TMTC3: variants seen among roughly 807,000 people sequenced by gnomAD.
The protein encoded by TMTC3 is transmembrane O-mannosyltransferase targeting cadherins 3, also known as protein O-mannosyl-transferase TMTC3.
A neutral mutation model predicts 92.2 loss-of-function variants in TMTC3; 52 were observed. That is an observed-to-expected ratio of 0.56 (90% confidence interval 0.45 to 0.71). TMTC3 has a LOEUF of 0.71. Among genes scored for constraint, TMTC3 ranks in the 30% least tolerant of loss-of-function variants. TMTC3 has a pLI of 0.00. For synonymous variants in TMTC3, 339 were observed against 363.3 expected, an observed-to-expected ratio of 0.93 and a Z score of 0.76; for missense variants, 896 against 1,057.1, an observed-to-expected ratio of 0.85 and a Z score of 2.11.
Position 88,198,268 on chromosome 12 carries a change from A to ACCTC in TMTC3, c.*2619_*2620insCCTC. Reference sequence around the variant, plus strand: ...GGAGGAGGTGGGCACATTTAAGGTCAGTTCACTAACCTATGGTTCAGAGTT... The same window carrying ACCTC: ...GGAGGAGGTGGGCACATTTAAGGTCACCTCGTTCACTAACCTATGGTTCAGAGTT... On this transcript the variant is annotated 3_prime_UTR_variant, in exon 14 of 14. Coordinates refer to ENST00000266712, the MANE Select transcript of TMTC3 (RefSeq NM_181783.4). 2.5e-6 allele frequency: 1 copy of ACCTC among 397,630 alleles called. No homozygotes were observed. 24.6% of individuals were successfully genotyped at this position (397,630 alleles called of 1,614,324 possible). A position where few individuals can be genotyped will look rare whatever the true frequency, so the allele number is the denominator to read the frequency against.
chr12:88,192,923 T>C (rs1745113824), intron 13 of TMTC3, 93 bp downstream of exon 13: 2 of 1,020,418 alleles, frequency 2.0e-6, no homozygotes, highest in South Asian at 1.8e-5. Flanking sequence ...GCAAACACTT[T>C]ATGTATTGAC....
chr12:88,169,176 A>G (rs990640926), intron 7 of TMTC3, among the ~76,000 whole-genome samples: 2 of 152,226 alleles, frequency 1.3e-5, no homozygotes, highest in African/African-American at 4.8e-5. Flanking sequence ...TAGAAATCCC[A>G]AACAGTCTTA....
At chr12:88,188,155 C>T (rs1392092924) in intron 10 of TMTC3, among the ~76,000 whole-genome samples, 1 of 152,114 alleles carries the variant, frequency 6.6e-6, no homozygotes, top group African/African-American at 2.4e-5. Context: ...TTAAGTAATA[C>T]TATTATCATT....
rs552967951 is a variant in TMTC3 at position 88,195,737 on chromosome 12, A to G, written c.*88A>G. ...ACTGGGAGCTTTGAAAAAAAGTTCA[A>G]GGGTTCCTAATGGTCAATCATGAGC... On this transcript the variant is annotated 3_prime_UTR_variant, in exon 14 of 14. Transcript: ENST00000266712. 34 of 1,159,328 alleles carry G rather than the reference A, an allele frequency of 2.9e-5. No homozygotes were observed. The African/African-American group carries it at 4.0e-4, about 14-fold the overall frequency. The allele number at this position is 1,159,328 out of a possible 1,614,324, so 71.8% of individuals were successfully genotyped here.
intron 2 of TMTC3, among the ~76,000 whole-genome samples, chr12:88,152,518 CAA>C (rs2040955483): frequency 6.6e-6 from 1 of 151,998 alleles, no homozygotes; most frequent in African/African-American, 2.4e-5. Context: ...TATAAAACTA[CAA>C]AAAATAACTT....
At chr12:88,186,099 C>T (rs2041375359) in intron 10 of TMTC3, among the ~76,000 whole-genome samples, 2 of 152,066 alleles carry the variant, frequency 1.3e-5, no homozygotes, top group South Asian at 2.1e-4. Context: ...GAATACTTCA[C>T]TGTTGGGCAG....
intron 10 of TMTC3, among the ~76,000 whole-genome samples, chr12:88,185,262 C>T (rs2041363535): frequency 6.6e-6 from 1 of 152,070 alleles, no homozygotes; most frequent in Non-Finnish European, 1.5e-5. Context: ...CTTCTCTAAG[C>T]AAAAGCTTTC....
intron 3 of TMTC3, 106 bp from the exon 4 acceptor site, chr12:88,154,182 T>G: frequency 1.3e-6 from 1 of 765,152 alleles, no homozygotes. Context: ...AAGAAACAAA[T>G]GTGCACTTGA....
In TMTC3 at chr12:88,199,183, AACC is replaced by A. The variant is rs1192402914; in HGVS notation, c.*3539_*3541del. On this transcript the variant is annotated 3_prime_UTR_variant, in exon 14 of 14. Transcript: ENST00000266712. ...TACATTTTCAAACATGAGGAGTGAC[AACC>A]ACCAAATTAAGAAAAGGAAACAACT... 2.0e-5 allele frequency: 3 copies of A among 152,064 alleles called. No homozygotes were observed. The highest frequency in any genetic ancestry group is 4.4e-5 in the Non-Finnish European group (3 of 67,968). The allele number at this position is 152,064 out of a possible 1,614,324, so 9.4% of individuals were successfully genotyped here.
rs1019893973 is a variant in TMTC3 at position 88,188,955 on chromosome 12, C to T, written c.1536+9C>T. On this transcript the variant is annotated intron_variant, in intron 11 of 13. Coordinates refer to ENST00000266712, the MANE Select transcript of TMTC3 (RefSeq NM_181783.4). ...AATCACTGATGCCTCAAGTAAGTTG[C>T]CATAATTTATCTATTGTGTCATATC... 31 of 1,489,290 alleles carry T rather than the reference C, an allele frequency of 2.1e-5. No homozygotes were observed. The highest frequency in any genetic ancestry group is 2.8e-5 in the Non-Finnish European group (30 of 1,077,796). 92.3% of individuals were successfully genotyped at this position (1,489,290 alleles called of 1,614,324 possible).
chr12:88,172,973 C>T (rs1288352638), intron 8 of TMTC3: 1 of 1,430,182 alleles, frequency 7.0e-7, no homozygotes, highest in Non-Finnish European at 9.3e-7. Context: ...CAGCCTGAGA[C>T]AGAACAAACT....
At chr12:88,170,974 T>C (rs2041198922) in intron 7 of TMTC3, among the ~76,000 whole-genome samples, 1 of 152,208 alleles carries the variant, frequency 6.6e-6, no homozygotes, top group South Asian at 2.1e-4. Context: ...GAAATTCTTG[T>C]AGAATGAAAG....
intron 10 of TMTC3, among the ~76,000 whole-genome samples, chr12:88,183,285 C>T (rs1163885345): frequency 6.6e-6 from 1 of 152,134 alleles, no homozygotes; most frequent in Non-Finnish European, 1.5e-5. Context: ...CCTCAGTTAA[C>T]CCTCTCATAA....
intron 1 of TMTC3, among the ~76,000 whole-genome samples, chr12:88,144,787 A>G (rs754891449): frequency 6.6e-6 from 1 of 152,184 alleles, no homozygotes; most frequent in Non-Finnish European, 1.5e-5. Flanking sequence ...GTTTTTATGC[A>G]TTGTCGTCTG....
At chr12:88,189,949 T>TA (rs1468565053) in intron 11 of TMTC3, among the ~76,000 whole-genome samples, 2 of 151,868 alleles carry the variant, frequency 1.3e-5, no homozygotes, top group Non-Finnish European at 1.5e-5. Flanking sequence ...AGTTCAACTT[T>TA]AAAAAAAATT....
intron 1 of TMTC3, among the ~76,000 whole-genome samples, chr12:88,142,728 C>T (rs1287474239): frequency 6.6e-6 from 1 of 152,152 alleles, no homozygotes; most frequent in Non-Finnish European, 1.5e-5. Flanking sequence ...GAGTGAGAGC[C>T]GCGCAGCCGT....
At chr12:88,163,274 T>C (rs1276122539) in intron 6 of TMTC3, among the ~76,000 whole-genome samples, 1 of 152,238 alleles carries the variant, frequency 6.6e-6, no homozygotes. Context: ...ATAAGACTAA[T>C]TTCACTTCAC....
chr12:88,151,545 A>G (rs189191511), intron 2 of TMTC3, among the ~76,000 whole-genome samples: 5 of 152,316 alleles, frequency 3.3e-5, no homozygotes, highest in Non-Finnish European at 5.9e-5. Context: ...TCACAGTGGA[A>G]TCTGAAATAG....
intron 10 of TMTC3, among the ~76,000 whole-genome samples, chr12:88,185,483 C>A (rs548944282): frequency 6.6e-6 from 1 of 151,950 alleles, no homozygotes; most frequent in Admixed American, 6.6e-5. Flanking sequence ...TATCCATTTA[C>A]CTGTTGATGG....
Sources: allele counts gnomAD v4.1 joint callset (sites outside exome capture counted in the v4.1 genomes callset), GRCh38; gene constraint gnomAD v4.1.1; transcripts MANE v1.5; gene names NCBI Gene and HGNC (gene_info 2026-07-23, HGNC 2026-07-21).